The following SARDH variants were observed in gnomAD, a reference collection of about 807,000 sequenced individuals.
SARDH encodes the protein sarcosine dehydrogenase, mitochondrial.
A neutral mutation model predicts 109.1 loss-of-function variants in SARDH; 95 were observed. The observed-to-expected ratio is 0.87, with a 90% confidence interval of 0.74 to 1.03. The LOEUF (loss-of-function observed/expected upper bound fraction) is 1.03. Ranked by LOEUF, SARDH falls within the 50% of genes least tolerant of loss-of-function variation. SARDH has a pLI of 0.00. For missense variants in SARDH, 1,267 were observed against 1,287.8 expected (o/e 0.98, Z 0.25); for synonymous variants, 572 against 534.8 (o/e 1.07, Z -0.96).
intron 16 of SARDH, among the ~76,000 whole-genome samples, chr9:133,685,890 C>T (rs2131370758): frequency 6.6e-6 from 1 of 152,330 alleles, no homozygotes; most frequent in Non-Finnish European, 1.5e-5. Context: ...GTTCCCTGAC[C>T]TAACCCTCCA....
In SARDH at chr9:133,666,676, G is replaced by T; in HGVS notation, c.2631+59C>A. On this transcript the variant is annotated intron_variant, in intron 20 of 20. Transcript: ENST00000439388. The surrounding 1 kb of genome is among the most constrained non-coding windows in gnomAD (Gnocchi z 5.2). ...CACTCAGGGTGCAGTGCAGGGAGCT[G>T]GTTTGGAGCTGGTGAGGGATCGGCA... 6.4e-7 allele frequency: 1 copy of T among 1,552,366 alleles called. No homozygotes were observed. The highest frequency in any genetic ancestry group is 8.7e-7 in the Non-Finnish European group (1 of 1,147,450).
Position 133,666,427 on chromosome 9 carries a change from C to T in SARDH, c.2631+308G>A, listed in dbSNP as rs1220640152. On this transcript the variant is annotated intron_variant, in intron 20 of 20. Coordinates refer to ENST00000439388, the MANE Select transcript of SARDH (RefSeq NM_001134707.2). The surrounding 1 kb of genome is among the most constrained non-coding windows in gnomAD (Gnocchi z 5.2). ...GAAAGAAAACAGAGAGCAGCTTTGG[C>T]TCTGCCCAGGCACAGCTGGGGAGTC... Among the ~76,000 whole-genome samples the T allele has an allele frequency of 6.6e-6, 1 of 152,200 alleles. No homozygotes were observed. Among genetic ancestry groups the T allele is most frequent in the African/African-American group, 2.4e-5 (1 of 41,440 alleles).
intron 12 of SARDH, 92 bp from the exon 13 acceptor site, chr9:133,703,121 T>C: frequency 8.8e-7 from 1 of 1,133,750 alleles, no homozygotes; most frequent in African/African-American, 1.5e-5. Flanking sequence ...TGTGATGGGG[T>C]CAGGCCTGGC....
At chr9:133,674,283 C>T (rs1440945647) in intron 17 of SARDH, among the ~76,000 whole-genome samples, 2 of 152,244 alleles carry the variant, frequency 1.3e-5, no homozygotes, top group South Asian at 2.1e-4. Flanking sequence ...CCATGGGGGT[C>T]GGCCCACTTG....
intron 13 of SARDH, among the ~76,000 whole-genome samples, chr9:133,700,056 G>A (rs865861937): frequency 6.8e-4 from 103 of 152,344 alleles, no homozygotes; most frequent in African/African-American, 2.3e-3. Flanking sequence ...GCCTGGCATG[G>A]TGGCTCATGC....
Position 133,712,539 on chromosome 9 carries a change from T to C in SARDH, c.1328+80A>G. On this transcript the variant is annotated intron_variant, in intron 10 of 20. Transcript: ENST00000439388. This position sits in a 1 kb window ranked among gnomAD's most constrained non-coding sequence, Gnocchi z 4.1. Reference sequence around the variant, plus strand: ...ACCTGGATTTCAGGCAAGGCTCCTTTCTCAGTAGCCCTCGCTGTTTACCCC... The same window carrying C: ...ACCTGGATTTCAGGCAAGGCTCCTTCCTCAGTAGCCCTCGCTGTTTACCCC... The C allele has an allele frequency of 7.7e-7, 1 of 1,297,772 alleles. No individual in the cohort carries two copies. Among genetic ancestry groups the C allele is most frequent in the African/African-American group, 1.5e-5 (1 of 68,884 alleles). The allele number at this position is 1,297,772 out of a possible 1,614,324, so 80.4% of individuals were successfully genotyped here. A position where few individuals can be genotyped will look rare whatever the true frequency, so the allele number is the denominator to read the frequency against.
In SARDH at chr9:133,663,838, G is replaced by T. The variant is rs574167418; in HGVS notation, c.*51C>A. On this transcript the variant is annotated 3_prime_UTR_variant, in exon 21 of 21. Transcript: ENST00000439388. Reference sequence around the variant, plus strand: ...GGTCCTGGGACCCAGGGCCATTTGGGACCTGTGAGAATGGATGGACAGCAT... The same window carrying T: ...GGTCCTGGGACCCAGGGCCATTTGGTACCTGTGAGAATGGATGGACAGCAT... 7.5e-6 allele frequency: 12 copies of T among 1,607,788 alleles called. No individual in the cohort carries two copies. The African/African-American group carries it at 1.6e-4, about 21-fold the overall frequency.
At chr9:133,671,904 G>T (rs1041200424) in intron 17 of SARDH, among the ~76,000 whole-genome samples, 17 of 152,218 alleles carry the variant, frequency 1.1e-4, no homozygotes, top group Admixed American at 2.6e-4. Context: ...GAAGTAGGGG[G>T]TCACCTTTGG....
At position 133,666,447 on chromosome 9, in the gene SARDH, G is replaced by T. The variant is rs891379173; in HGVS notation, c.2631+288C>A. Among the ~76,000 whole-genome samples the T allele has an allele frequency of 6.6e-6, 1 of 152,090 alleles. No homozygotes were observed. Among genetic ancestry groups the T allele is most frequent in the Admixed American group, 6.5e-5 (1 of 15,284 alleles). On this transcript the variant is annotated intron_variant, in intron 20 of 20. Coordinates refer to ENST00000439388, the MANE Select transcript of SARDH (RefSeq NM_001134707.2). The surrounding 1 kb of genome is among the most constrained non-coding windows in gnomAD (Gnocchi z 5.2). ...TTTGGCTCTGCCCAGGCACAGCTGG[G>T]GAGTCCTCCACCTGCTGAGGCCTCT... is the stretch of plus-strand genomic sequence containing the variant.
chr9:133,690,111 A>G (rs533409725), intron 16 of SARDH, among the ~76,000 whole-genome samples: 1 of 152,128 alleles, frequency 6.6e-6, no homozygotes, highest in Non-Finnish European at 1.5e-5. Flanking sequence ...CCTAGACTGC[A>G]CTGGTGACTC....
At chr9:133,701,123 C>T (rs1831468838) in intron 13 of SARDH, among the ~76,000 whole-genome samples, 1 of 152,236 alleles carries the variant, frequency 6.6e-6, no homozygotes, top group African/African-American at 2.4e-5. Context: ...GTGCACTGAC[C>T]CTGACAGCTG....
chr9:133,730,047 A>T lies in SARDH; in HGVS notation c.814+17T>A, dbSNP rs377288612. The T allele has an allele frequency of 1.2e-6, 2 of 1,613,796 alleles. No individual in the cohort carries two copies. The highest frequency in any genetic ancestry group is 2.7e-5 in the African/African-American group (2 of 74,920). On this transcript the variant is annotated intron_variant, in intron 5 of 20. Transcript: ENST00000439388. ...CCAGCATGGCCACACAGGAGTCAGG[A>T]GAAATGCCACTCGCACCTGCACAGT...
chr9:133,689,166 G>T (rs1464876308), intron 16 of SARDH, among the ~76,000 whole-genome samples: 1 of 151,122 alleles, frequency 6.6e-6, no homozygotes, highest in Non-Finnish European at 1.5e-5. Flanking sequence ...CTTCAGGCTG[G>T]AGACTCATCT....
intron 1 of SARDH, among the ~76,000 whole-genome samples, chr9:133,735,033 C>T (rs1054223251): frequency 4.6e-5 from 7 of 152,078 alleles, no homozygotes; most frequent in Non-Finnish European, 8.8e-5. Flanking sequence ...GAGACACTTG[C>T]GCTCCCAGAC....
rs762809926 is a variant in SARDH, at chr9:133,728,945, T to C, written c.915+820A>G. Among the ~76,000 whole-genome samples the C allele has an allele frequency of 2.0e-5, 3 of 149,586 alleles. No homozygotes were observed. The highest frequency in any genetic ancestry group is 2.1e-4 in the South Asian group (1 of 4,750). ...ATGGACAGATGAACATGTGGATAAA[T>C]AGATGAATAGATAGATGGAGAGATG... On this transcript the variant is annotated intron_variant, in intron 6 of 20. Coordinates refer to ENST00000439388, the MANE Select transcript of SARDH (RefSeq NM_001134707.2). This position sits in a 1 kb window ranked among gnomAD's most constrained non-coding sequence, Gnocchi z 5.0.
At position 133,734,012 on chromosome 9, in the gene SARDH, C is replaced by T; in HGVS notation, c.162G>A (p.Val54=). ...GGGGCCGGCTTGGGCCTTGGGCCAC[C>T]ACCGAGGTGCCCTGTCCCTCCTTCA... is the stretch of plus-strand genomic sequence containing the variant. ...RTLKEGQGTS[V]VAQGPSRPLP... The change falls in exon 2 of 21, where the codon GTG becomes GTA. Residue 54 remains valine, a synonymous_variant. Transcript: ENST00000439388. 1.2e-6 allele frequency: 2 copies of T among 1,613,124 alleles called. No individual in the cohort carries two copies. Among genetic ancestry groups the T allele is most frequent in the Non-Finnish European group, 1.7e-6 (2 of 1,179,946 alleles).
downstream of SARDH, among the ~76,000 whole-genome samples, chr9:133,661,991 T>TGGCG (rs1481852506): frequency 6.6e-6 from 1 of 152,116 alleles, no homozygotes; most frequent in Non-Finnish European, 1.5e-5. Flanking sequence ...TTGGGAGCCA[T>TGGCG]GGCGGGGCCA....
chr9:133,681,395 T>C (rs977287242), intron 17 of SARDH, among the ~76,000 whole-genome samples: 1 of 152,216 alleles, frequency 6.6e-6, no homozygotes, highest in Non-Finnish European at 1.5e-5. Context: ...CAGTTCTCTG[T>C]GGCCATCTTT....
intron 6 of SARDH, among the ~76,000 whole-genome samples, chr9:133,724,603 C>T (rs7848155): frequency 0.04 from 6,139 of 152,208 alleles, 148 homozygotes; most frequent in African/African-American, 0.067. Context: ...GAAAATAGTC[C>T]GACAGTTCGT....
Sources: allele counts gnomAD v4.1 joint callset (sites outside exome capture counted in the v4.1 genomes callset), GRCh38; gene constraint gnomAD v4.1.1; non-coding constraint Gnocchi (gnomAD v3.1); transcripts MANE v1.5; gene names NCBI Gene and HGNC (gene_info 2026-07-23, HGNC 2026-07-21).